ABCC9: variants seen among roughly 807,000 people sequenced by gnomAD.
ABCC9 encodes the protein ATP-binding cassette sub-family C member 9.
In ABCC9, 95 loss-of-function variants were observed where a neutral mutation model predicts 188.3. The observed-to-expected ratio is 0.50, with a 90% confidence interval of 0.43 to 0.60. The LOEUF is 0.60. Ranked by LOEUF, ABCC9 falls within the 20% of genes least tolerant of loss-of-function variation. ABCC9 has a pLI of 0.00. For missense variants in ABCC9, 1,102 were observed against 1,876.3 expected, an observed-to-expected ratio of 0.59 and a Z score of 7.62; for synonymous variants, 659 against 652.7, an observed-to-expected ratio of 1.01 and a Z score of -0.15.
At chr12:21,858,543 C>T (rs973795371) in intron 22 of ABCC9, among the ~76,000 whole-genome samples, 6 of 150,162 alleles carry the variant, frequency 4.0e-5, no homozygotes, top group Non-Finnish European at 8.9e-5. Context: ...GGTGCCATTG[C>T]AGTCCAGTCT....
At chr12:21,922,288 G>T (rs891536484) in intron 5 of ABCC9, among the ~76,000 whole-genome samples, 3 of 151,628 alleles carry the variant, frequency 2.0e-5, no homozygotes, top group African/African-American at 7.3e-5. Flanking sequence ...TCACTTCTTT[G>T]GTTAATTCCT....
At chr12:21,883,779 A>G (rs561552296) in intron 15 of ABCC9, among the ~76,000 whole-genome samples, 2 of 152,102 alleles carry the variant, frequency 1.3e-5, no homozygotes, top group African/African-American at 2.4e-5. Context: ...CATAAGTCTT[A>G]TAGAATGATC....
chr12:21,868,179 A>G (rs923431523), intron 18 of ABCC9, among the ~76,000 whole-genome samples: 3 of 152,200 alleles, frequency 2.0e-5, no homozygotes, highest in African/African-American at 7.2e-5. Context: ...AGCAATTCCC[A>G]AGGAAACAAC....
At chr12:21,930,612 A>T (rs1949244894) in intron 4 of ABCC9, among the ~76,000 whole-genome samples, 1 of 152,184 alleles carries the variant, frequency 6.6e-6, no homozygotes, top group Admixed American at 6.5e-5. Context: ...CTCCAGCACA[A>T]ATGAGTTGAA....
chr12:21,847,380 G>A (rs1053088041), intron 25 of ABCC9, among the ~76,000 whole-genome samples: 2 of 151,998 alleles, frequency 1.3e-5, no homozygotes, highest in South Asian at 4.1e-4. Context: ...TAATTCATTC[G>A]CTCAATGAAT....
intron 22 of ABCC9, among the ~76,000 whole-genome samples, chr12:21,856,292 A>G (rs1197725528): frequency 2.0e-5 from 3 of 152,150 alleles, no homozygotes; most frequent in African/African-American, 7.2e-5. Flanking sequence ...AAGCAAGACA[A>G]TTGCCAAACG....
chr12:21,877,243 G>C lies in ABCC9; in HGVS notation c.2020-1517C>G, dbSNP rs185376821. On this transcript the variant is annotated intron_variant, in intron 16 of 39. Transcript: ENST00000261200. Reference sequence around the variant, plus strand: ...GACATTATGGGCTCAGTACCAAAGAGAGGGGACACACAGACACTAAGTACA... The same window carrying C: ...GACATTATGGGCTCAGTACCAAAGACAGGGGACACACAGACACTAAGTACA... Among the ~76,000 whole-genome samples the C allele has an allele frequency of 2.6e-5, 4 of 152,278 alleles. No homozygotes were observed. In the East Asian group the frequency reaches 5.8e-4, roughly 22 times the overall value.
At chr12:21,869,876 T>C (rs1945979109) in intron 18 of ABCC9, among the ~76,000 whole-genome samples, 1 of 152,154 alleles carries the variant, frequency 6.6e-6, no homozygotes, top group Admixed American at 6.5e-5. Context: ...AAATGTTGAA[T>C]GAAAAAGAAA....
At chr12:21,831,439 A>C (rs1479974487) in intron 30 of ABCC9, among the ~76,000 whole-genome samples, 1 of 152,036 alleles carries the variant, frequency 6.6e-6, no homozygotes, top group Non-Finnish European at 1.5e-5. Context: ...GACATGACCT[A>C]CTCCCTTGAA....
chr12:21,801,075 A>G lies in ABCC9; in HGVS notation c.4619T>C (p.Val1540Ala). 2 of 1,613,736 alleles carry G rather than the reference A, an allele frequency of 1.2e-6. No individual in the cohort carries two copies. The highest frequency in any genetic ancestry group is 8.5e-7 in the Non-Finnish European group (1 of 1,179,870). ...PESLLAQENG[V>A]FASFVRADM Reference sequence around the variant, plus strand: ...GTCTGCGCGAACAAAAGAAGCAAATACTCCATTTTCCTGAGCCAAGAGGCT... The same window carrying G: ...GTCTGCGCGAACAAAAGAAGCAAATGCTCCATTTTCCTGAGCCAAGAGGCT... Residue 1540 changes from valine (V) to alanine (A), a missense_variant, in exon 40 of 40, where the codon GTA (valine) becomes GCA (alanine). Val to Ala is a moderately conservative substitution (Grantham distance 64, BLOSUM62 0). Around this residue, in one of 12 missense-constraint regions of ABCC9, gnomAD observed 30 missense variants for 34.3 expected, o/e 0.87. Transcript: ENST00000261200.
chr12:21,891,857 T>C (rs1947175549), intron 14 of ABCC9, among the ~76,000 whole-genome samples: 1 of 152,162 alleles, frequency 6.6e-6, no homozygotes, highest in Non-Finnish European at 1.5e-5. Context: ...CAACTGGCAC[T>C]AAAGGTTGGT....
intron 10 of ABCC9, 35 bp downstream of exon 10, chr12:21,910,122 G>T: frequency 6.3e-7 from 1 of 1,580,532 alleles, no homozygotes; most frequent in African/African-American, 1.4e-5. Flanking sequence ...TATTTCCTCT[G>T]CAGACAAAAA....
chr12:21,835,475 A>G (rs926979907), intron 30 of ABCC9, among the ~76,000 whole-genome samples: 1 of 152,166 alleles, frequency 6.6e-6, no homozygotes, highest in Non-Finnish European at 1.5e-5. Context: ...GGCTTACCAC[A>G]GTAGATGATA....
rs1318665518 is a variant in ABCC9, at chr12:21,875,586, C to T, written c.2092+68G>A. ...TTAAAAAGTATCTTTTTGTTAGGCT[C>T]AATTATCTTGGAAAACTATGGTTAC... On this transcript the variant is annotated intron_variant, in intron 17 of 39. Transcript: ENST00000261200. 8 of 1,173,102 alleles carry T rather than the reference C, an allele frequency of 6.8e-6. No homozygotes were observed. The East Asian group carries it at 1.9e-4, about 28-fold the overall frequency. 72.7% of individuals were successfully genotyped at this position (1,173,102 alleles called of 1,614,324 possible).
rs184688381 is a variant in ABCC9 at position 21,862,900 on chromosome 12, C to T, written c.2339+53G>A. 63 of 1,152,070 alleles carry T rather than the reference C, an allele frequency of 5.5e-5. 1 individual carries two copies. In the East Asian group the frequency reaches 1.2e-3, roughly 22 times the overall value. The allele number at this position is 1,152,070 out of a possible 1,614,324, so 71.4% of individuals were successfully genotyped here. A position where few individuals can be genotyped will look rare whatever the true frequency, so the allele number is the denominator to read the frequency against. ...AAACCATTGTTCATTCCCAAACACA[C>T]GAGTCAGAAAGAGTTGCCATTTTGG... On this transcript the variant is annotated intron_variant, in intron 20 of 39. Transcript: ENST00000261200.
chr12:21,801,229 C>T (rs372899855), intron 39 of ABCC9, 48 bp from the exon 40 acceptor site: 89 of 1,609,310 alleles, frequency 5.5e-5, no homozygotes, highest in African/African-American at 3.6e-4. Context: ...TCAGGGCACA[C>T]GCCAAAACAA....
rs1947538924 is a variant in ABCC9 at position 21,898,473 on chromosome 12, C to T, written c.1619-3158G>A. Among the ~76,000 whole-genome samples, 3 of 152,190 alleles carry T rather than the reference C, an allele frequency of 2.0e-5. No individual in the cohort carries two copies. The South Asian group carries it at 6.2e-4, about 31-fold the overall frequency. ...AGTGGTGCATTGCTGGAAGATAAAA[C>T]TCCTTCCAACTTTATGTCTAATGTA... On this transcript the variant is annotated intron_variant, in intron 12 of 39. Transcript: ENST00000261200.
chr12:21,891,715 C>A (rs950419159), intron 14 of ABCC9, among the ~76,000 whole-genome samples: 1 of 152,184 alleles, frequency 6.6e-6, no homozygotes, highest in Non-Finnish European at 1.5e-5. Context: ...CCCATTCTAA[C>A]CCACCAAGTT....
chr12:21,915,259 G>GTATATAATGTGTATATGTATGTGTGTA (rs1565480384), intron 7 of ABCC9, among the ~76,000 whole-genome samples: 1,854 of 110,740 alleles, frequency 0.017, 11 homozygotes, highest in East Asian at 0.053. Context: ...GTGTGTGTGT[G>GTATATAATGTGTATATGTATGTGTGTA]TGTATATAAT....
Sources: allele counts gnomAD v4.1 joint callset (sites outside exome capture counted in the v4.1 genomes callset), GRCh38; gene constraint gnomAD v4.1.1; regional missense constraint gnomAD v4.1.1; transcripts MANE v1.5; gene names NCBI Gene and HGNC (gene_info 2026-07-23, HGNC 2026-07-21).